GRIK1: variants seen among roughly 807,000 people sequenced by gnomAD.
GRIK1 encodes glutamate ionotropic receptor kainate type subunit 1.
Under a neutral mutation model 105.7 loss-of-function variants are expected in GRIK1, and 69 were observed. That is an observed-to-expected ratio of 0.65 (90% CI 0.54 to 0.80). The LOEUF is 0.80. Among genes scored for constraint, GRIK1 ranks in the 30% least tolerant of loss-of-function variants. The pLI is 0.00. For synonymous variants in GRIK1, 438 were observed against 431.3 expected, an observed-to-expected ratio of 1.02 and a Z score of -0.19; for missense variants, 1,109 against 1,167.3, an observed-to-expected ratio of 0.95 and a Z score of 0.73.
At chr21:29,747,865 G>A (rs753131160) in intron 1 of GRIK1, among the ~76,000 whole-genome samples, 3 of 152,176 alleles carry the variant, frequency 2.0e-5, no homozygotes, top group African/African-American at 4.8e-5. Flanking sequence ...AGTGATTACA[G>A]ACATAAATTT....
At chr21:29,660,839 A>T (rs1468953024) in intron 4 of GRIK1, among the ~76,000 whole-genome samples, 1 of 152,240 alleles carries the variant, frequency 6.6e-6, no homozygotes, top group South Asian at 2.1e-4. Flanking sequence ...AAATGTGTGA[A>T]CATGCAATGT....
intron 1 of GRIK1, among the ~76,000 whole-genome samples, chr21:29,906,837 T>G (rs950153868): frequency 1.3e-5 from 2 of 152,160 alleles, no homozygotes; most frequent in Non-Finnish European, 2.9e-5. Context: ...ATTTTATTTC[T>G]GAATAAAATA....
intron 7 of GRIK1, chr21:29,601,160 A>T: frequency 2.1e-6 from 1 of 477,666 alleles, no homozygotes; most frequent in South Asian, 1.5e-5. Flanking sequence ...GGTACCATTC[A>T]ATTCATGTAG....
chr21:29,939,263 C>T, intron 1 of GRIK1, 120 bp downstream of exon 1: 1 of 646,670 alleles, frequency 1.5e-6, no homozygotes, highest in East Asian at 3.0e-5. Flanking sequence ...GCACTGACCT[C>T]CACCTTCCCC....
chr21:29,915,282 C>T (rs1304566885), intron 1 of GRIK1, among the ~76,000 whole-genome samples: 1 of 151,968 alleles, frequency 6.6e-6, no homozygotes, highest in Non-Finnish European at 1.5e-5. Context: ...TGACTGAATA[C>T]ACTAGAACTT....
chr21:29,619,372 G>T (rs1395190906), intron 7 of GRIK1, among the ~76,000 whole-genome samples: 2 of 151,726 alleles, frequency 1.3e-5, no homozygotes, highest in Admixed American at 6.6e-5. Flanking sequence ...AAGAGGCAGG[G>T]GCTGCAGTGA....
intron 7 of GRIK1, among the ~76,000 whole-genome samples, chr21:29,640,003 T>A (rs1486831868): frequency 6.6e-6 from 1 of 152,176 alleles, no homozygotes; most frequent in African/African-American, 2.4e-5. Flanking sequence ...TGTGGAGTTA[T>A]CAGAAATTAC....
rs75089219 is a variant in GRIK1 at position 29,657,028 on chromosome 21, C to T, written c.727-2165G>A. ...GCCATCAATAACATTTAAGGCCATG[C>T]ATGGTGAGGTCTTGTTAGCTGTTCT... On this transcript the variant is annotated intron_variant, in intron 4 of 17. Transcript: ENST00000327783. Among the ~76,000 whole-genome samples, 325 of 152,200 alleles carry T rather than the reference C, an allele frequency of 2.1e-3. 1 individual carries two copies. The highest frequency in any genetic ancestry group is 7.5e-3 in the African/African-American group (310 of 41,514).
chr21:29,750,320 C>G (rs1035108824), intron 1 of GRIK1, among the ~76,000 whole-genome samples: 1 of 140,326 alleles, frequency 7.1e-6, no homozygotes, highest in Non-Finnish European at 1.5e-5. Flanking sequence ...TATGTACCTA[C>G]TCTACATTTG....
chr21:29,659,836 C>T (rs559518276), intron 4 of GRIK1, among the ~76,000 whole-genome samples: 1 of 152,082 alleles, frequency 6.6e-6, no homozygotes, highest in East Asian at 1.9e-4. Context: ...GTGGTGCGTG[C>T]CTGTAATCCC....
At chr21:29,780,336 G>A (rs2066060056) in intron 1 of GRIK1, among the ~76,000 whole-genome samples, 1 of 152,116 alleles carries the variant, frequency 6.6e-6, no homozygotes, top group Non-Finnish European at 1.5e-5. Context: ...ACCCATCTTG[G>A]ACATAGTTAT....
At chr21:29,899,514 A>G (rs1340162647) in intron 1 of GRIK1, among the ~76,000 whole-genome samples, 1 of 150,524 alleles carries the variant, frequency 6.6e-6, no homozygotes, top group African/African-American at 2.4e-5. Context: ...TATAGTATCT[A>G]TAGAGTGATA....
chr21:29,550,135 A>AAAG (rs1601083897), intron 16 of GRIK1, among the ~76,000 whole-genome samples: 34 of 147,962 alleles, frequency 2.3e-4, no homozygotes, highest in East Asian at 6.0e-4. Context: ...AAAAAAAAAA[A>AAAG]GTGTGAAGAA....
intron 13 of GRIK1, 26 bp from the exon 14 acceptor site, chr21:29,577,207 G>GC: frequency 7.7e-7 from 1 of 1,291,686 alleles, no homozygotes; most frequent in Admixed American, 1.7e-5. Flanking sequence ...CAGAGTAAGG[G>GC]TGTTAAACAC....
intron 1 of GRIK1, among the ~76,000 whole-genome samples, chr21:29,762,701 G>A (rs1569063012): frequency 6.7e-6 from 1 of 150,072 alleles, no homozygotes; most frequent in Non-Finnish European, 1.5e-5. Context: ...CAGGAGGACA[G>A]GACCACCCTG....
chr21:29,939,739 C>T lies in GRIK1; in HGVS notation c.-239G>A. On this transcript the variant is annotated 5_prime_UTR_variant, in exon 1 of 18. Coordinates refer to ENST00000327783, the MANE Select transcript of GRIK1 (RefSeq NM_001330994.2). ...CTAGCCCATCACGGCTCCTCCTCCTCCTCTTCCATGGGCCGCAGACCGCGG... is the reference window on the plus strand; with the variant it reads ...CTAGCCCATCACGGCTCCTCCTCCTTCTCTTCCATGGGCCGCAGACCGCGG... 1 of 393,890 alleles carries T rather than the reference C, an allele frequency of 2.5e-6. No homozygotes were observed. The highest frequency in any genetic ancestry group is 4.1e-5 in the East Asian group (1 of 24,606). 24.4% of individuals were successfully genotyped at this position (393,890 alleles called of 1,614,324 possible).
chr21:29,875,800 T>TCCAAAAG (rs964867006), intron 1 of GRIK1, among the ~76,000 whole-genome samples: 1 of 152,200 alleles, frequency 6.6e-6, no homozygotes, highest in African/African-American at 2.4e-5. Flanking sequence ...TCTGGCTGAC[T>TCCAAAAG]CAAAAACTCA....
At chr21:29,549,562 A>C (rs2090096604) in intron 16 of GRIK1, among the ~76,000 whole-genome samples, 1 of 152,154 alleles carries the variant, frequency 6.6e-6, no homozygotes, top group African/African-American at 2.4e-5. Context: ...CCTACTGAGG[A>C]GAAAGGTCGA....
intron 2 of GRIK1, among the ~76,000 whole-genome samples, chr21:29,691,486 T>C (rs1371481866): frequency 1.3e-5 from 2 of 152,198 alleles, no homozygotes; most frequent in East Asian, 3.8e-4. Context: ...GGGGTATAGA[T>C]AGTTTGAAGT....
Sources: allele counts gnomAD v4.1 joint callset (sites outside exome capture counted in the v4.1 genomes callset), GRCh38; gene constraint gnomAD v4.1.1; transcripts MANE v1.5; gene names NCBI Gene and HGNC (gene_info 2026-07-23, HGNC 2026-07-21).